The following KLHL30 variants were observed in gnomAD, a reference collection of about 807,000 sequenced individuals.
The protein encoded by KLHL30 is kelch like family member 30, also known as kelch-like protein 30.
A neutral mutation model predicts 55.0 loss-of-function variants in KLHL30; 55 were observed. That is an observed-to-expected ratio of 1.00 (90% CI 0.80 to 1.25). KLHL30 has a LOEUF of 1.25. KLHL30 is among the 50% of genes most tolerant of loss of function. The pLI is 0.00. For missense variants in KLHL30, 786 were observed against 811.6 expected (o/e 0.97, Z 0.38); for synonymous variants, 356 against 372.6 (o/e 0.96, Z 0.51).
chr2:238,145,811 G>C lies in KLHL30; in HGVS notation c.1129G>C (p.Gly377Arg), dbSNP rs1692637845. ...CAACCACGCCAGCGCGGCCCTCAAT[G>C]GGGAGATCTACGTTATCGGCGGTGA... ...RTNHASAALNGEIYVIGGTTL... is the reference protein window; with the variant it reads ...RTNHASAALNREIYVIGGTTL... Residue 377 changes from glycine to arginine, a missense_variant, in exon 5 of 8, where the codon GGG (glycine) becomes CGG (arginine). By Grantham distance (125) the Gly-to-Arg change is moderately radical. Coordinates refer to ENST00000409223, the MANE Select transcript of KLHL30 (RefSeq NM_198582.4). 1 of 1,606,482 alleles carries C rather than the reference G, an allele frequency of 6.2e-7. No homozygotes were observed. Among genetic ancestry groups the C allele is most frequent in the Admixed American group, 1.7e-5 (1 of 59,320 alleles).
At position 238,152,154 on chromosome 2, in the gene KLHL30, G is replaced by T; in HGVS notation, c.*1089G>T. On this transcript the variant is annotated 3_prime_UTR_variant, in exon 8 of 8. Transcript: ENST00000409223. ...CCGGCCAGGCACAGGCCCTGGTGTTGCCCCAGAGGCCCTGGGCAGCTCCGG... is the reference window on the plus strand; with the variant it reads ...CCGGCCAGGCACAGGCCCTGGTGTTTCCCCAGAGGCCCTGGGCAGCTCCGG... The T allele has an allele frequency of 8.1e-6, 8 of 985,446 alleles. No homozygotes were observed. The highest frequency in any genetic ancestry group is 9.6e-6 in the Non-Finnish European group (8 of 829,972). 61.0% of individuals were successfully genotyped at this position (985,446 alleles called of 1,614,324 possible).
intron 1 of KLHL30, among the ~76,000 whole-genome samples, chr2:238,139,717 GC>G (rs986983983): frequency 1.3e-5 from 2 of 152,198 alleles, no homozygotes; most frequent in Non-Finnish European, 2.9e-5. Context: ...TGGACGCGCG[GC>G]CGCCTCTCCT....
intron 6 of KLHL30, among the ~76,000 whole-genome samples, chr2:238,148,541 A>G (rs931699278): frequency 7.9e-5 from 12 of 152,148 alleles, no homozygotes; most frequent in Non-Finnish European, 1.6e-4. Context: ...GACAGTGTAG[A>G]TGGTGGCGGG....
intron 1 of KLHL30, among the ~76,000 whole-genome samples, chr2:238,139,281 G>C (rs1487354138): frequency 6.6e-6 from 1 of 152,222 alleles, no homozygotes; most frequent in Non-Finnish European, 1.5e-5. Flanking sequence ...AGGCCTGCAG[G>C]CGGTGGCCCA....
In KLHL30 at chr2:238,149,003, A is replaced by G. The variant is rs1403957321; in HGVS notation, c.1340-4A>G. On this transcript the variant is annotated splice_polypyrimidine_tract_variant and splice_region_variant and intron_variant, in intron 6 of 7. Coordinates refer to ENST00000409223, the MANE Select transcript of KLHL30 (RefSeq NM_198582.4). Reference sequence around the variant, plus strand: ...ACGGTGGCCAGTGCCCGTGCCCCCCACAGATGCGTGGAGTGTGATCGCCTC... The same window carrying G: ...ACGGTGGCCAGTGCCCGTGCCCCCCGCAGATGCGTGGAGTGTGATCGCCTC... The G allele has an allele frequency of 7.6e-6, 12 of 1,588,662 alleles. No individual in the cohort carries two copies. The highest frequency in any genetic ancestry group is 1.0e-5 in the Non-Finnish European group (12 of 1,167,932).
chr2:238,138,927 G>A (rs1018350985), intron 1 of KLHL30, among the ~76,000 whole-genome samples, 169 bp downstream of exon 1: 1 of 152,178 alleles, frequency 6.6e-6, no homozygotes, highest in Admixed American at 6.5e-5. Context: ...CTCAGGGTGG[G>A]GGCTCAGGAG....
chr2:238,145,940 G>A (rs1331493450), intron 5 of KLHL30, 108 bp downstream of exon 5: 10 of 1,245,402 alleles, frequency 8.0e-6, no homozygotes, highest in Admixed American at 2.8e-5. Context: ...CGGAGATGCC[G>A]CTCCCACTGC....
Position 238,151,086 on chromosome 2 carries a change from G to A in KLHL30, c.*21G>A, listed in dbSNP as rs758115977. ...ACTAAACCAGGGCCAGGGTCCCCGG[G>A]GAGGAGTCCCCACAGCGGCCCCTCA... On this transcript the variant is annotated 3_prime_UTR_variant, in exon 8 of 8. Transcript: ENST00000409223. The A allele has an allele frequency of 5.7e-6, 9 of 1,569,028 alleles. No homozygotes were observed. Among genetic ancestry groups the A allele is most frequent in the Non-Finnish European group, 7.8e-6 (9 of 1,155,884 alleles).
chr2:238,148,131 C>T (rs767803796), intron 6 of KLHL30, 109 bp downstream of exon 6: 71 of 1,117,434 alleles, frequency 6.4e-5, no homozygotes, highest in Middle Eastern at 3.2e-4. Context: ...AGACGGGGCC[C>T]GGGGTGGAGA....
chr2:238,139,537 C>G (rs138460228), intron 1 of KLHL30, among the ~76,000 whole-genome samples: 1 of 152,162 alleles, frequency 6.6e-6, no homozygotes, highest in East Asian at 1.9e-4. Flanking sequence ...GGTGCTTCCC[C>G]GCTCTGGGGT....
At chr2:238,148,291 T>C (rs1692684867) in intron 6 of KLHL30, among the ~76,000 whole-genome samples, 1 of 135,454 alleles carries the variant, frequency 7.4e-6, no homozygotes, top group South Asian at 2.7e-4. Flanking sequence ...AGGGCAGCAG[T>C]GGGCTGGGGC....
Position 238,147,814 on chromosome 2 carries a change from C to G in KLHL30, c.1151-20C>G. On this transcript the variant is annotated intron_variant, in intron 5 of 7. Coordinates refer to ENST00000409223, the MANE Select transcript of KLHL30 (RefSeq NM_198582.4). This position sits in a 1 kb window ranked among gnomAD's most constrained non-coding sequence, Gnocchi z 5.8. The stretch of plus-strand genomic sequence containing the variant: ...CCCTCTCCTCCCCAGCCCTGAACTG[C>G]CCCCGCCCTCACCCCACAGGCACCA... 6.9e-7 allele frequency: 1 copy of G among 1,456,594 alleles called. No individual in the cohort carries two copies. The highest frequency in any genetic ancestry group is 9.1e-7 in the Non-Finnish European group (1 of 1,095,490). The allele number at this position is 1,456,594 out of a possible 1,614,324, so 90.2% of individuals were successfully genotyped here.
At position 238,151,204 on chromosome 2, in the gene KLHL30, CA is replaced by C; in HGVS notation, c.*140del. On this transcript the variant is annotated 3_prime_UTR_variant, in exon 8 of 8. Coordinates refer to ENST00000409223, the MANE Select transcript of KLHL30 (RefSeq NM_198582.4). ...CTGCGCTCAGGCCACCAGGGGTGAT[CA>C]GACGGCATGGCTTGGAGGACACAGC... The C allele has an allele frequency of 8.4e-7, 1 of 1,196,762 alleles. No homozygotes were observed. Among genetic ancestry groups the C allele is most frequent in the East Asian group, 2.6e-5 (1 of 38,958 alleles). The allele number at this position is 1,196,762 out of a possible 1,614,324, so 74.1% of individuals were successfully genotyped here.
chr2:238,152,360 T>G lies in KLHL30; in HGVS notation c.*1295T>G, dbSNP rs1057015019. On this transcript the variant is annotated 3_prime_UTR_variant, in exon 8 of 8. Coordinates refer to ENST00000409223, the MANE Select transcript of KLHL30 (RefSeq NM_198582.4). ...TGCTCCCAGACCTGCCTCTCATAGCTTTTTTTTTTTTTTTTTTTTTTTTTT... is the reference window on the plus strand; with the variant it reads ...TGCTCCCAGACCTGCCTCTCATAGCGTTTTTTTTTTTTTTTTTTTTTTTTT... 3.2e-5 allele frequency: 3 copies of G among 93,354 alleles called. No individual in the cohort carries two copies. The highest frequency in any genetic ancestry group is 1.0e-4 in the African/African-American group (2 of 19,908). 5.8% of individuals were successfully genotyped at this position (93,354 alleles called of 1,614,324 possible).
rs71043108 is a variant in KLHL30 at position 238,144,369 on chromosome 2, C to CGGAAGGAAAGAAGGAAGGAAGGAAGGAA, written c.908-525_908-524insAGAAGGAAGGAAGGAAGGAAGGAAGGAA. On this transcript the variant is annotated intron_variant, in intron 3 of 7. Transcript: ENST00000409223. Reference sequence around the variant, plus strand: ...CTGCCAGGAGGGCAGGGAGGGTGCTCGGAAGGAAGGAAGGAAGGAAGGAAG... The same window carrying CGGAAGGAAAGAAGGAAGGAAGGAAGGAA: ...CTGCCAGGAGGGCAGGGAGGGTGCTCGGAAGGAAAGAAGGAAGGAAGGAAGGAAGGAAGGAAGGAAGGAAGGAAGGAAG... Among the ~76,000 whole-genome samples the CGGAAGGAAAGAAGGAAGGAAGGAAGGAA allele has an allele frequency of 1.6e-3, 127 of 78,876 alleles. 3 individuals are homozygous for CGGAAGGAAAGAAGGAAGGAAGGAAGGAA. Among genetic ancestry groups the CGGAAGGAAAGAAGGAAGGAAGGAAGGAA allele is most frequent in the Non-Finnish European group, 2.4e-3 (89 of 36,476 alleles). The allele number at this position is 78,876 out of a possible 152,430, so 51.7% of individuals were successfully genotyped here. A position where few individuals can be genotyped will look rare whatever the true frequency, so the allele number is the denominator to read the frequency against.
At chr2:238,149,262 G>A in intron 7 of KLHL30, 110 bp downstream of exon 7, 2 of 1,451,470 alleles carry the variant, frequency 1.4e-6, no homozygotes, top group African/African-American at 1.4e-5. Flanking sequence ...CCACTGCGAA[G>A]GGGACAGCGC....
At chr2:238,139,850 G>T (rs1318723177) in intron 1 of KLHL30, among the ~76,000 whole-genome samples, 1 of 152,228 alleles carries the variant, frequency 6.6e-6, no homozygotes, top group African/African-American at 2.4e-5. Flanking sequence ...CCTAGGGATG[G>T]TTGTCTTAGG....
Position 238,151,194 on chromosome 2 carries a change from C to G in KLHL30, c.*129C>G. 7.9e-7 allele frequency: 1 copy of G among 1,266,890 alleles called. No homozygotes were observed. Among genetic ancestry groups the G allele is most frequent in the Non-Finnish European group, 1.1e-6 (1 of 928,722 alleles). The allele number at this position is 1,266,890 out of a possible 1,614,324, so 78.5% of individuals were successfully genotyped here. On this transcript the variant is annotated 3_prime_UTR_variant, in exon 8 of 8. Transcript: ENST00000409223. ...TCCTTCCAAGCTGCGCTCAGGCCACCAGGGGTGATCAGACGGCATGGCTTG... is the reference window on the plus strand; with the variant it reads ...TCCTTCCAAGCTGCGCTCAGGCCACGAGGGGTGATCAGACGGCATGGCTTG...
In KLHL30 at chr2:238,147,479, G is replaced by T. The variant is rs1680585109; in HGVS notation, c.1151-355G>T. On this transcript the variant is annotated intron_variant, in intron 5 of 7. Coordinates refer to ENST00000409223, the MANE Select transcript of KLHL30 (RefSeq NM_198582.4). The surrounding 1 kb of genome is among the most constrained non-coding windows in gnomAD (Gnocchi z 5.8). Reference sequence around the variant, plus strand: ...CTCGCAACCCGCCCTCCCAGGGCTGGCATCCTCCATTCCAGTTCAGAGCAC... The same window carrying T: ...CTCGCAACCCGCCCTCCCAGGGCTGTCATCCTCCATTCCAGTTCAGAGCAC... 6.6e-6 allele frequency among the ~76,000 whole-genome samples: 1 copy of T among 152,140 alleles called. No homozygotes were observed. Among genetic ancestry groups the T allele is most frequent in the Non-Finnish European group, 1.5e-5 (1 of 68,008 alleles).
Sources: gnomAD v4.1 joint callset for allele counts (sites outside exome capture counted in the v4.1 genomes callset) on GRCh38, gnomAD v4.1.1 for gene constraint, Gnocchi (gnomAD v3.1) non-coding constraint, MANE v1.5 for transcripts, NCBI Gene and HGNC (gene_info 2026-07-23, HGNC 2026-07-21) for gene names.